Variants in GABRG3 observed in about 807,000 individuals in gnomAD.
The protein encoded by GABRG3 is gamma-aminobutyric acid receptor subunit gamma-3.
GABRG3 carries 25 observed loss-of-function variants against 48.8 expected under a neutral mutation model. The ratio of observed to expected loss-of-function variants is 0.51; its 90% CI spans 0.37 to 0.72. GABRG3 has a LOEUF of 0.72. Ranked by LOEUF, GABRG3 falls within the 30% of genes least tolerant of loss-of-function variation. The pLI, the probability that GABRG3 is intolerant of heterozygous loss-of-function variation, is 0.00. For missense variants in GABRG3, 394 were observed against 577.9 expected, an observed-to-expected ratio of 0.68 and a Z score of 3.26; for synonymous variants, 227 against 217.6, an observed-to-expected ratio of 1.04 and a Z score of -0.38.
At position 27,481,024 on chromosome 15, in the gene GABRG3, C is replaced by T. The variant is rs903857042; in HGVS notation, c.712+237C>T. 9.0e-6 allele frequency: 12 copies of T among 1,327,490 alleles called. No individual in the cohort carries two copies. The African/African-American group carries it at 1.3e-4, about 15-fold the overall frequency. 82.2% of individuals were successfully genotyped at this position (1,327,490 alleles called of 1,614,324 possible). A position where few individuals can be genotyped will look rare whatever the true frequency, so the allele number is the denominator to read the frequency against. On this transcript the variant is annotated intron_variant, in intron 6 of 9. Transcript: ENST00000615808. ...GCTGTGTTTGCATAATGTCTATAAACCTAGCTATAAACTTAACCTAACTCA... is the reference window on the plus strand; with the variant it reads ...GCTGTGTTTGCATAATGTCTATAAATCTAGCTATAAACTTAACCTAACTCA...
chr15:27,245,701 GTC>G (rs1890249375), intron 3 of GABRG3, among the ~76,000 whole-genome samples: 2 of 101,334 alleles, frequency 2.0e-5, no homozygotes, highest in Non-Finnish European at 3.7e-5. Context: ...GTGAAACCCT[GTC>G]TCTACTAAAA....
chr15:27,493,200 T>C (rs1890397648), intron 6 of GABRG3, among the ~76,000 whole-genome samples: 2 of 152,352 alleles, frequency 1.3e-5, no homozygotes, highest in Admixed American at 1.3e-4. Context: ...TCTTGGTACA[T>C]ATGTTTCCAG....
intron 3 of GABRG3, among the ~76,000 whole-genome samples, chr15:27,160,332 C>T (rs1333659229): frequency 6.6e-6 from 1 of 152,120 alleles, no homozygotes; most frequent in Non-Finnish European, 1.5e-5. Context: ...TTATCCTCAG[C>T]CACAACCAGA....
intron 5 of GABRG3, among the ~76,000 whole-genome samples, chr15:27,366,632 G>C (rs1027386913): frequency 1.3e-5 from 2 of 152,098 alleles, no homozygotes; most frequent in African/African-American, 4.8e-5. Flanking sequence ...AACCCAAGCT[G>C]TGTCTTCACG....
chr15:27,436,935 G>T (rs952447312), intron 5 of GABRG3, among the ~76,000 whole-genome samples: 1 of 150,616 alleles, frequency 6.6e-6, no homozygotes, highest in Non-Finnish European at 1.5e-5. Context: ...GTTCAATGCT[G>T]CAGTGAGCTA....
chr15:27,521,313 G>C (rs1891154657), intron 7 of GABRG3, among the ~76,000 whole-genome samples: 1 of 151,996 alleles, frequency 6.6e-6, no homozygotes, highest in Non-Finnish European at 1.5e-5. Flanking sequence ...TCTGTGCCTA[G>C]AAATAAAGGG....
chr15:26,982,759 A>AAG (rs1186071827), intron 2 of GABRG3, among the ~76,000 whole-genome samples: 1 of 152,246 alleles, frequency 6.6e-6, no homozygotes, highest in Non-Finnish European at 1.5e-5. Context: ...ACATGTGAGA[A>AAG]CATGCTCTGT....
intron 3 of GABRG3, among the ~76,000 whole-genome samples, chr15:27,233,913 A>T (rs1889878657): frequency 6.6e-6 from 1 of 152,168 alleles, no homozygotes. Flanking sequence ...TTTATATTTT[A>T]TACCTAATTA....
At chr15:27,005,417 A>T (rs1895565421) in intron 2 of GABRG3, among the ~76,000 whole-genome samples, 1 of 151,944 alleles carries the variant, frequency 6.6e-6, no homozygotes, top group African/African-American at 2.4e-5. Context: ...GCAGCATTTC[A>T]TTTTTTTCTT....
At chr15:27,209,066 G>C (rs1328914949) in intron 3 of GABRG3, among the ~76,000 whole-genome samples, 1 of 152,210 alleles carries the variant, frequency 6.6e-6, no homozygotes. Flanking sequence ...AGGCCAGCAC[G>C]GCTGCTCAGG....
chr15:27,189,447 C>G (rs565682670), intron 3 of GABRG3, among the ~76,000 whole-genome samples: 1 of 152,220 alleles, frequency 6.6e-6, no homozygotes, highest in Admixed American at 6.5e-5. Context: ...CCTTCACGTC[C>G]CTTGTAAGGT....
At chr15:27,465,640 C>T (rs1046881669) in intron 5 of GABRG3, among the ~76,000 whole-genome samples, 2 of 152,168 alleles carry the variant, frequency 1.3e-5, no homozygotes, top group African/African-American at 4.8e-5. Flanking sequence ...GGCAGTGGCT[C>T]CAGGTCCCTG....
intron 5 of GABRG3, among the ~76,000 whole-genome samples, chr15:27,468,549 C>T (rs1272982326): frequency 6.6e-6 from 1 of 152,200 alleles, no homozygotes; most frequent in Non-Finnish European, 1.5e-5. Context: ...GTCTTATCAG[C>T]TCATAGCATC....
At chr15:27,436,682 C>T (rs1447555774) in intron 5 of GABRG3, among the ~76,000 whole-genome samples, 2 of 152,112 alleles carry the variant, frequency 1.3e-5, no homozygotes, top group Admixed American at 1.3e-4. Flanking sequence ...GTCCACACAT[C>T]CTTAGGAATT....
At chr15:27,325,021 C>A (rs1419900099) in intron 3 of GABRG3, among the ~76,000 whole-genome samples, 1 of 116,162 alleles carries the variant, frequency 8.6e-6, no homozygotes, top group Non-Finnish European at 1.6e-5. Context: ...CTGCAAAGTC[C>A]CCTTAGAGAT....
intron 3 of GABRG3, among the ~76,000 whole-genome samples, chr15:27,231,221 T>C (rs1889787673): frequency 6.6e-6 from 1 of 152,176 alleles, no homozygotes; most frequent in African/African-American, 2.4e-5. Flanking sequence ...AAGTTGCCTT[T>C]ATATTTCAAA....
intron 3 of GABRG3, among the ~76,000 whole-genome samples, chr15:27,093,344 G>A (rs1595520362): frequency 6.6e-6 from 1 of 152,138 alleles, no homozygotes; most frequent in African/African-American, 2.4e-5. Flanking sequence ...TCTGTGCAAT[G>A]GGATGATGAT....
intron 3 of GABRG3, among the ~76,000 whole-genome samples, chr15:27,072,453 G>C (rs9330237): frequency 6.6e-6 from 1 of 151,830 alleles, no homozygotes; most frequent in Non-Finnish European, 1.5e-5. Flanking sequence ...ACTCAAAATA[G>C]CTTCAGATAC....
At chr15:27,224,641 A>C (rs982371642) in intron 3 of GABRG3, among the ~76,000 whole-genome samples, 1 of 152,234 alleles carries the variant, frequency 6.6e-6, no homozygotes, top group African/African-American at 2.4e-5. Context: ...CTGTCCTAGC[A>C]AGGAATTGCC....
Sources: gnomAD v4.1 joint callset for allele counts (sites outside exome capture counted in the v4.1 genomes callset) on GRCh38, gnomAD v4.1.1 for gene constraint, MANE v1.5 for transcripts, NCBI Gene and HGNC (gene_info 2026-07-23, HGNC 2026-07-21) for gene names.